Variants in CASS4 observed in about 807,000 individuals in gnomAD.
CASS4 encodes the protein cas scaffolding protein family member 4.
In CASS4, 22 loss-of-function variants were observed where a neutral mutation model predicts 54.2. The ratio of observed to expected loss-of-function variants is 0.41; its 90% CI spans 0.29 to 0.58. The LOEUF (loss-of-function observed/expected upper bound fraction) is 0.58. CASS4 is among the 20% of genes least tolerant of loss of function. CASS4 has a pLI of 0.36. For missense variants in CASS4, 854 were observed against 986.7 expected (o/e 0.87, Z 1.80); for synonymous variants, 409 against 391.5 (o/e 1.04, Z -0.53).
chr20:56,449,088 C>T (rs945285564), intron 3 of CASS4, among the ~76,000 whole-genome samples: 1 of 152,126 alleles, frequency 6.6e-6, no homozygotes, highest in Non-Finnish European at 1.5e-5. Flanking sequence ...ATACCATTTG[C>T]CCCAGCCATC....
rs1416104232 is a variant in CASS4 at position 56,430,828 on chromosome 20, G to T, written c.37-6336G>T. 6.6e-6 allele frequency among the ~76,000 whole-genome samples: 1 copy of T among 152,100 alleles called. No individual in the cohort carries two copies. The highest frequency in any genetic ancestry group is 1.5e-5 in the Non-Finnish European group (1 of 68,030). ...TGGGCAGAAGGAACAGCAAAGAAAA[G>T]GTCTGAGGTGGAAGCAACCTCAGGG... On this transcript the variant is annotated intron_variant, in intron 1 of 5. Transcript: ENST00000679887. The surrounding 1 kb of genome is among the most constrained non-coding windows in gnomAD (Gnocchi z 4.2).
rs1236494477 is a variant in CASS4, at chr20:56,437,327, G to A, written c.200G>A (p.Arg67His). 5.6e-6 allele frequency: 9 copies of A among 1,613,872 alleles called. No individual in the cohort carries two copies. Among genetic ancestry groups the A allele is most frequent in the Middle Eastern group, 1.6e-4 (1 of 6,080 alleles). ...HGRQGLAPAN[R>H]LQILTEVAAD... ...AGGCAAGGCCTGGCCCCTGCCAACC[G>A]CCTCCAAATCCTCACGGAGGTCGCT... The change falls in exon 2 of 6, where the codon CGC (arginine) becomes CAC (histidine). Residue 67 changes from arginine to histidine, a missense_variant. Transcript: ENST00000679887. This position sits in a 1 kb window ranked among gnomAD's most constrained non-coding sequence, Gnocchi z 4.7.
At chr20:56,436,146 T>C (rs770697950) in intron 1 of CASS4, among the ~76,000 whole-genome samples, 8 of 152,004 alleles carry the variant, frequency 5.3e-5, no homozygotes, top group Non-Finnish European at 1.0e-4. Context: ...AAGTGAGGTG[T>C]GGGCCCAGCA....
intron 5 of CASS4, 122 bp downstream of exon 5, chr20:56,453,251 T>C (rs1981132338): frequency 1.4e-6 from 1 of 694,340 alleles, no homozygotes; most frequent in Admixed American, 3.1e-5. Flanking sequence ...GGTTCCATTT[T>C]CTAGAAAATA....
intron 1 of CASS4, among the ~76,000 whole-genome samples, chr20:56,422,913 C>G (rs1979475393): frequency 6.6e-6 from 1 of 152,214 alleles, no homozygotes; most frequent in African/African-American, 2.4e-5. Flanking sequence ...TTCTTTGTCC[C>G]TGGTTTCTCT....
chr20:56,456,969 G>A (rs916655986), intron 5 of CASS4, among the ~76,000 whole-genome samples: 2 of 152,018 alleles, frequency 1.3e-5, no homozygotes, highest in Non-Finnish European at 2.9e-5. Flanking sequence ...TACAGGTGTG[G>A]GTCACTGCAC....
chr20:56,428,871 G>A (rs1382620707), intron 1 of CASS4, among the ~76,000 whole-genome samples: 4 of 152,132 alleles, frequency 2.6e-5, no homozygotes, highest in African/African-American at 7.2e-5. Flanking sequence ...CTAGTCTTAG[G>A]TGCCACAAAG....
intron 4 of CASS4, among the ~76,000 whole-genome samples, chr20:56,450,995 C>A (rs1206378258): frequency 6.7e-6 from 1 of 149,970 alleles, no homozygotes; most frequent in African/African-American, 2.5e-5. Context: ...ATGGTGTAAC[C>A]CTGTCTCTAA....
intron 3 of CASS4, among the ~76,000 whole-genome samples, chr20:56,448,100 C>A (rs1600770220): frequency 1.3e-5 from 2 of 150,920 alleles, no homozygotes; most frequent in East Asian, 3.9e-4. Context: ...AGAGATCGCG[C>A]CACTGCACTC....
chr20:56,450,772 G>C, intron 4 of CASS4, 93 bp downstream of exon 4: 2 of 1,206,414 alleles, frequency 1.7e-6, no homozygotes, highest in South Asian at 2.6e-5. Context: ...GGTGGCTGAA[G>C]CCTGTAATCC....
intron 1 of CASS4, among the ~76,000 whole-genome samples, chr20:56,421,044 A>G (rs1979387370): frequency 6.6e-6 from 1 of 152,226 alleles, no homozygotes; most frequent in Admixed American, 6.5e-5. Flanking sequence ...AAATGACCAT[A>G]GAAAGATGGA....
chr20:56,437,311 CTGG>C lies in CASS4; in HGVS notation c.185_187del (p.Leu62_Ala63delinsPro). ...GTGTTTGCTCCATGGGAGGCAAGGCCTGGCCCCTGCCAACCGCCTCCAAATCCT... is the reference window on the plus strand; with the variant it reads ...GTGTTTGCTCCATGGGAGGCAAGGCCCCCCTGCCAACCGCCTCCAAATCCT... On this transcript the variant is annotated inframe_deletion, in exon 2 of 6. Coordinates refer to ENST00000679887, the MANE Select transcript of CASS4 (RefSeq NM_020356.4). The surrounding 1 kb of genome is among the most constrained non-coding windows in gnomAD (Gnocchi z 4.7). 1 of 1,614,152 alleles carries C rather than the reference CTGG, an allele frequency of 6.2e-7. No individual in the cohort carries two copies.
chr20:56,421,162 T>G (rs1979393375), intron 1 of CASS4, among the ~76,000 whole-genome samples: 1 of 152,232 alleles, frequency 6.6e-6, no homozygotes, highest in Non-Finnish European at 1.5e-5. Flanking sequence ...GTGCCCTGAC[T>G]GCAGGCATGC....
intron 2 of CASS4, among the ~76,000 whole-genome samples, chr20:56,439,224 A>C (rs527392465): frequency 2.6e-5 from 4 of 152,028 alleles, no homozygotes; most frequent in African/African-American, 9.7e-5. Context: ...GCTGGAATGC[A>C]GTGGTGCAAT....
At chr20:56,458,283 G>A (rs1409396836) in intron 5 of CASS4, 57 bp from the exon 6 acceptor site, 2 of 1,519,584 alleles carry the variant, frequency 1.3e-6, no homozygotes, top group Non-Finnish European at 1.8e-6. Flanking sequence ...GGAAAGGGCA[G>A]ACAGCCACAG....
At chr20:56,438,483 G>C (rs1020610966) in intron 2 of CASS4, among the ~76,000 whole-genome samples, 5 of 152,178 alleles carry the variant, frequency 3.3e-5, no homozygotes, top group Admixed American at 1.3e-4. Flanking sequence ...ACAACAAGCT[G>C]CTGTGCAGTT....
intron 1 of CASS4, among the ~76,000 whole-genome samples, chr20:56,420,101 G>C (rs1260640932): frequency 3.3e-5 from 5 of 152,148 alleles, no homozygotes; most frequent in Non-Finnish European, 5.9e-5. Context: ...CTGTGAAAAA[G>C]TTATTCACAG....
intron 3 of CASS4, among the ~76,000 whole-genome samples, chr20:56,448,794 C>CAT (rs997783912): frequency 6.6e-6 from 1 of 151,922 alleles, no homozygotes; most frequent in African/African-American, 2.4e-5. Flanking sequence ...TATGTTATGT[C>CAT]ATATATATAT....
At position 56,458,400 on chromosome 20, in the gene CASS4, T is replaced by G. The variant is rs1230654094; in HGVS notation, c.2014T>G (p.Leu672Val). The G allele has an allele frequency of 3.7e-6, 6 of 1,613,976 alleles. No individual in the cohort carries two copies. The highest frequency in any genetic ancestry group is 5.1e-6 in the Non-Finnish European group (6 of 1,180,012). The stretch of plus-strand genomic sequence containing the variant: ...ACAGACTCCTGAGAGGAAACCCCGC[T>G]TATCTGAACACTGCCGGCTCTACTT... The part of the protein sequence containing the change: ...SQQTPERKPR[L>V]SEHCRLYFGA... The change falls in exon 6 of 6, where the codon TTA becomes GTA. Residue 672 changes from leucine (L) to valine (V), a missense_variant. Transcript: ENST00000679887.
Sources: allele counts gnomAD v4.1 joint callset (sites outside exome capture counted in the v4.1 genomes callset), GRCh38; gene constraint gnomAD v4.1.1; non-coding constraint Gnocchi (gnomAD v3.1); transcripts MANE v1.5; gene names NCBI Gene and HGNC (gene_info 2026-07-23, HGNC 2026-07-21).